The following NOTCH1 variants were observed in gnomAD, a reference collection of about 807,000 sequenced individuals.
NOTCH1 encodes notch receptor 1.
NOTCH1 carries 37 observed loss-of-function variants against 254.8 expected under a neutral mutation model. The ratio of observed to expected loss-of-function variants is 0.15; its 90% CI spans 0.11 to 0.19. NOTCH1 has a LOEUF of 0.19. Among genes scored for constraint, NOTCH1 ranks in the 10% least tolerant of loss-of-function variants. The pLI is 1.00. For missense variants in NOTCH1, 2,972 were observed against 3,708.6 expected, an observed-to-expected ratio of 0.80 and a Z score of 5.16; for synonymous variants, 1,731 against 1,618.1, an observed-to-expected ratio of 1.07 and a Z score of -1.68.
chr9:136,504,840 G>A lies in NOTCH1; in HGVS notation c.4851C>T (p.Phe1617=), dbSNP rs1843053470. The change falls in exon 26 of 34, where the codon TTC becomes TTT. Residue 1617 remains phenylalanine, a synonymous_variant. Coordinates refer to ENST00000651671, the MANE Select transcript of NOTCH1 (RefSeq NM_017617.5). ...KRDAHGQQMI[F]PYYGREEELR... is the part of the protein sequence containing the mutation. ...GCTCCTCCTCGCGGCCGTAGTAGGG[G>A]AAGATCATCTGCTGGCCGTGTGCGT... 1.3e-6 allele frequency: 2 copies of A among 1,579,634 alleles called. No individual in the cohort carries two copies. Among genetic ancestry groups the A allele is most frequent in the African/African-American group, 1.3e-5 (1 of 74,638 alleles).
At chr9:136,541,607 C>T (rs908937043) in intron 2 of NOTCH1, among the ~76,000 whole-genome samples, 1 of 152,192 alleles carries the variant, frequency 6.6e-6, no homozygotes, top group East Asian at 1.9e-4. Flanking sequence ...CCTGGACAGA[C>T]CTCCTGGGCC....
At chr9:136,533,810 G>A (rs935437244) in intron 2 of NOTCH1, among the ~76,000 whole-genome samples, 1 of 152,254 alleles carries the variant, frequency 6.6e-6, no homozygotes, top group African/African-American at 2.4e-5. Context: ...GTCTGCAAAT[G>A]CACCTTAACC....
rs2133314701 is a variant in NOTCH1, at chr9:136,496,280, G to A, written c.7459C>T (p.Gln2487Ter). The A allele has an allele frequency of 6.3e-7, 1 of 1,598,604 alleles. No homozygotes were observed. Among genetic ancestry groups the A allele is most frequent in the Non-Finnish European group, 8.5e-7 (1 of 1,171,942 alleles). The change falls in exon 34 of 34, where the codon CAG becomes TAG. Residue 2487 changes from glutamine (Q) to a stop codon, truncating the protein, a stop_gained. Transcript: ENST00000651671. LOFTEE classifies it high-confidence loss of function. ...TCCACAGGCGAGGAGTAGCTGTGCT[G>A]CGAGGGGGGCGTCAGGAACTGGGCT... is the stretch of plus-strand genomic sequence containing the variant. ...TAAQFLTPPS[Q>*]HSYSSPVDNT...
In NOTCH1 at chr9:136,503,326, T is replaced by C. The variant is rs375408767; in HGVS notation, c.5023A>G (p.Ile1675Val). The C allele has an allele frequency of 9.9e-6, 16 of 1,612,720 alleles. No homozygotes were observed. Among genetic ancestry groups the C allele is most frequent in the Non-Finnish European group, 1.3e-5 (15 of 1,179,844 alleles). Residue 1675 changes from isoleucine (I) to valine (V), a missense_variant, in exon 27 of 34, where the codon ATC (isoleucine) becomes GTC (valine). Physicochemically the swap from Ile to Val is conservative, Grantham distance 29. This residue lies in a region of NOTCH1 where 1,343 missense variants were observed against 1,557.0 expected (regional missense o/e 0.86). Coordinates refer to ENST00000651671, the MANE Select transcript of NOTCH1 (RefSeq NM_017617.5). Reference sequence around the variant, plus strand: ...CGGTTGTCAATCTCCAGGTAGACGATGGAGCTGGGCGGACAATCAGAGAGG... The same window carrying C: ...CGGTTGTCAATCTCCAGGTAGACGACGGAGCTGGGCGGACAATCAGAGAGG... ...ELDPMDVRGS[I>V]VYLEIDNRQC...
rs1238966922 is a variant in NOTCH1 at position 136,499,098 on chromosome 9, C to T, written c.6082+14G>A. 1.9e-6 allele frequency: 3 copies of T among 1,612,854 alleles called. No homozygotes were observed. Among genetic ancestry groups the T allele is most frequent in the Non-Finnish European group, 2.5e-6 (3 of 1,179,988 alleles). On this transcript the variant is annotated intron_variant, in intron 32 of 33. Transcript: ENST00000651671. Reference sequence around the variant, plus strand: ...CCGCCCCACGACAGAGCAGCCGTGCCCCCGTGGGCTCACCCAGGTCATCTA... The same window carrying T: ...CCGCCCCACGACAGAGCAGCCGTGCTCCCGTGGGCTCACCCAGGTCATCTA...
chr9:136,531,083 C>T (rs1422102538), intron 2 of NOTCH1, among the ~76,000 whole-genome samples: 3 of 152,256 alleles, frequency 2.0e-5, no homozygotes, highest in Non-Finnish European at 2.9e-5. Context: ...GTGCTGACTC[C>T]ATGTCCAGCG....
intron 8 of NOTCH1, 34 bp from the exon 9 acceptor site, chr9:136,517,419 G>A (rs1351222738): frequency 7.1e-6 from 10 of 1,406,030 alleles, no homozygotes; most frequent in South Asian, 1.2e-5. Context: ...GGGGGCACGC[G>A]CGGCCCCAGT....
At chr9:136,528,636 C>G (rs1200910846) in intron 2 of NOTCH1, among the ~76,000 whole-genome samples, 2 of 151,378 alleles carry the variant, frequency 1.3e-5, no homozygotes, top group Non-Finnish European at 3.0e-5. Flanking sequence ...CCCTGCACAC[C>G]CCGGCTCCCT....
chr9:136,512,933 C>T (rs1421303632), intron 15 of NOTCH1, 88 bp downstream of exon 15: 4 of 436,864 alleles, frequency 9.2e-6, no homozygotes, highest in South Asian at 2.2e-5. Context: ...CCACCCTCTC[C>T]AGCACAGGCT....
rs756874994 is a variant in NOTCH1 at position 136,497,455 on chromosome 9, C to T, written c.6284G>A (p.Arg2095His). 60 of 1,612,308 alleles carry T rather than the reference C, an allele frequency of 3.7e-5. No homozygotes were observed. Among genetic ancestry groups the T allele is most frequent in the Middle Eastern group, 1.6e-4 (1 of 6,084 alleles). Residue 2095 changes from arginine (R) to histidine (H), a missense_variant, in exon 34 of 34, where the codon CGC becomes CAC. Around this residue, in one of 8 missense-constraint regions of NOTCH1, gnomAD observed 529 missense variants for 529.2 expected, o/e 1.00. Coordinates refer to ENST00000651671, the MANE Select transcript of NOTCH1 (RefSeq NM_017617.5). ...ANRDITDHMD[R>H]LPRDIAQERM... Reference sequence around the variant, plus strand: ...CTCCTGTGCGATGTCGCGCGGCAGGCGGTCCATATGATCCGTGATGTCCCG... The same window carrying T: ...CTCCTGTGCGATGTCGCGCGGCAGGTGGTCCATATGATCCGTGATGTCCCG...
intron 2 of NOTCH1, among the ~76,000 whole-genome samples, chr9:136,529,137 G>A (rs1038031202): frequency 6.6e-6 from 1 of 152,250 alleles, no homozygotes; most frequent in Non-Finnish European, 1.5e-5. Context: ...GCCACTGACA[G>A]TGGGCCCCAC....
At chr9:136,509,658 G>T (rs1043020756) in intron 18 of NOTCH1, 75 bp downstream of exon 18, 20 of 1,377,876 alleles carry the variant, frequency 1.5e-5, no homozygotes, top group Non-Finnish European at 2.1e-5. Context: ...CCTGCATGGT[G>T]TGCCAGGCTG....
intron 9 of NOTCH1, among the ~76,000 whole-genome samples, chr9:136,516,876 G>A (rs955237721): frequency 1.2e-4 from 18 of 152,294 alleles, no homozygotes; most frequent in African/African-American, 1.7e-4. Flanking sequence ...CAAAACCCTC[G>A]CTCTCCTGGG....
At chr9:136,498,099 C>CT (rs1199439593) in intron 33 of NOTCH1, among the ~76,000 whole-genome samples, 1 of 152,152 alleles carries the variant, frequency 6.6e-6, no homozygotes, top group Non-Finnish European at 1.5e-5. Context: ...CCTCTGGGGC[C>CT]CAGTCTCTGT....
intron 2 of NOTCH1, among the ~76,000 whole-genome samples, chr9:136,541,774 C>T (rs971815329): frequency 5.9e-5 from 9 of 152,366 alleles, no homozygotes; most frequent in African/African-American, 1.9e-4. Flanking sequence ...CTCCACAAGC[C>T]GGGCTCGGCT....
At chr9:136,525,060 T>C (rs1843438290) in intron 2 of NOTCH1, among the ~76,000 whole-genome samples, 1 of 152,158 alleles carries the variant, frequency 6.6e-6, no homozygotes, top group Admixed American at 6.5e-5. Flanking sequence ...CCAGACACGT[T>C]TCCCTTTCGG....
rs2133365020 is a variant in NOTCH1, at chr9:136,515,978, C to T, written c.1669+3G>A. The T allele has an allele frequency of 6.2e-7, 1 of 1,608,624 alleles. No individual in the cohort carries two copies. Among genetic ancestry groups the T allele is most frequent in the Non-Finnish European group, 8.5e-7 (1 of 1,178,414 alleles). ...CTCCCCGCTGGTGGGCGCCAGCCCG[C>T]ACCTTCCGTGCACACACAGGTGTAA... On this transcript the variant is annotated splice_donor_region_variant and intron_variant, in intron 10 of 33. Transcript: ENST00000651671.
chr9:136,495,131 T>A lies in NOTCH1; in HGVS notation c.*940A>T. On this transcript the variant is annotated 3_prime_UTR_variant, in exon 34 of 34. Transcript: ENST00000651671. ...GGGGACACTGTGCAGGCTGAGGTGC[T>A]GGGGCCGCCACCGGGGTCAGCCCAG... The A allele has an allele frequency of 2.5e-6, 1 of 399,074 alleles. No homozygotes were observed. Among genetic ancestry groups the A allele is most frequent in the African/African-American group, 2.1e-5 (1 of 48,762 alleles). The allele number at this position is 399,074 out of a possible 1,614,324, so 24.7% of individuals were successfully genotyped here. A position where few individuals can be genotyped will look rare whatever the true frequency, so the allele number is the denominator to read the frequency against.
intron 2 of NOTCH1, among the ~76,000 whole-genome samples, chr9:136,527,530 C>T (rs764092708): frequency 2.6e-5 from 4 of 152,240 alleles, no homozygotes; most frequent in Non-Finnish European, 4.4e-5. Flanking sequence ...GCATCTCCTC[C>T]TATCAGGGGC....
Sources: allele counts gnomAD v4.1 joint callset (sites outside exome capture counted in the v4.1 genomes callset), GRCh38; gene constraint gnomAD v4.1.1; regional missense constraint gnomAD v4.1.1; transcripts MANE v1.5; gene names NCBI Gene and HGNC (gene_info 2026-07-23, HGNC 2026-07-21).